Variants in CSMD1 observed in about 807,000 individuals in gnomAD.
CSMD1 encodes the protein CUB and sushi domain-containing protein 1.
In CSMD1, 213 loss-of-function variants were observed where a neutral mutation model predicts 417.5. The observed-to-expected ratio is 0.51, with a 90% CI of 0.46 to 0.57. The LOEUF is 0.57. CSMD1 is among the 20% of genes least tolerant of loss of function. The pLI is 0.00. For missense variants in CSMD1, 6,923 were observed against 4,529.7 expected (o/e 1.53, Z -15.17); for synonymous variants, 2,862 against 1,736.8 (o/e 1.65, Z -16.11).
intron 3 of CSMD1, among the ~76,000 whole-genome samples, chr8:4,178,427 A>G (rs1798176503): frequency 6.6e-6 from 1 of 151,308 alleles, no homozygotes; most frequent in Non-Finnish European, 1.5e-5. Context: ...GATGGGACGT[A>G]TCTCAAAATA....
At chr8:3,947,332 A>G (rs1476551206) in intron 5 of CSMD1, among the ~76,000 whole-genome samples, 1 of 152,206 alleles carries the variant, frequency 6.6e-6, no homozygotes, top group Non-Finnish European at 1.5e-5. Context: ...ATGAATTACA[A>G]TGATTTTCAA....
intron 5 of CSMD1, among the ~76,000 whole-genome samples, chr8:3,780,915 G>C (rs56261016): frequency 6.6e-6 from 1 of 152,182 alleles, no homozygotes. Context: ...GAGAATTTAG[G>C]TAAGACCATG....
intron 2 of CSMD1, among the ~76,000 whole-genome samples, chr8:4,471,453 G>C (rs895928538): frequency 1.3e-5 from 2 of 151,994 alleles, no homozygotes; most frequent in Non-Finnish European, 2.9e-5. Flanking sequence ...CAAGCCTCTC[G>C]ACAAAATCAT....
intron 3 of CSMD1, among the ~76,000 whole-genome samples, chr8:4,041,922 G>A (rs942869562): frequency 6.6e-6 from 1 of 152,068 alleles, no homozygotes; most frequent in Non-Finnish European, 1.5e-5. Context: ...TAACATTAAT[G>A]AACATGTAGA....
At chr8:4,104,131 T>A (rs1290460332) in intron 3 of CSMD1, among the ~76,000 whole-genome samples, 1 of 152,230 alleles carries the variant, frequency 6.6e-6, no homozygotes, top group Non-Finnish European at 1.5e-5. Flanking sequence ...GAGTGTTGAT[T>A]CAGTCCCTCG....
At chr8:4,405,695 G>C (rs188338658) in intron 3 of CSMD1, among the ~76,000 whole-genome samples, 2 of 152,296 alleles carry the variant, frequency 1.3e-5, no homozygotes, top group East Asian at 3.9e-4. Flanking sequence ...CCATAAAACA[G>C]GATGTGTCTA....
At chr8:4,875,852 T>C (rs1452728358) in intron 1 of CSMD1, among the ~76,000 whole-genome samples, 1 of 151,798 alleles carries the variant, frequency 6.6e-6, no homozygotes, top group African/African-American at 2.4e-5. Context: ...CAAACACTAG[T>C]ATAATCTGAA....
At chr8:4,029,667 A>C (rs915096451) in intron 4 of CSMD1, among the ~76,000 whole-genome samples, 3 of 152,022 alleles carry the variant, frequency 2.0e-5, no homozygotes, top group Non-Finnish European at 4.4e-5. Flanking sequence ...GACCCACCCA[A>C]ATCTCATGTC....
intron 3 of CSMD1, among the ~76,000 whole-genome samples, chr8:4,057,235 T>G (rs1798742628): frequency 6.6e-6 from 1 of 152,198 alleles, no homozygotes; most frequent in Non-Finnish European, 1.5e-5. Flanking sequence ...CTAACTGGTG[T>G]GAGATGGTAT....
chr8:4,049,647 A>G (rs1798320579), intron 3 of CSMD1, among the ~76,000 whole-genome samples: 1 of 152,106 alleles, frequency 6.6e-6, no homozygotes, highest in African/African-American at 2.4e-5. Context: ...ATAACATTAT[A>G]TTTACTAATC....
At chr8:3,941,272 T>A (rs1004344995) in intron 5 of CSMD1, among the ~76,000 whole-genome samples, 21 of 152,184 alleles carry the variant, frequency 1.4e-4, no homozygotes, top group African/African-American at 4.6e-4. Flanking sequence ...CTTGCTGAAT[T>A]ACAAATTCCC....
At chr8:4,177,719 T>G (rs1437863425) in intron 3 of CSMD1, among the ~76,000 whole-genome samples, 2 of 148,382 alleles carry the variant, frequency 1.3e-5, no homozygotes, top group Non-Finnish European at 3.0e-5. Flanking sequence ...AAGAATCAAA[T>G]AGATGCAATA....
rs201211832 is a variant in CSMD1 at position 3,616,855 on chromosome 8, TA to T, written c.1010-59del. On this transcript the variant is annotated intron_variant, in intron 7 of 69. Transcript: ENST00000635120. Reference sequence around the variant, plus strand: ...TATAGTTATTGAGGAAATACCCAGATAAAAAATTTATTCTAGGCATTTTCAG... The same window carrying T: ...TATAGTTATTGAGGAAATACCCAGATAAAAATTTATTCTAGGCATTTTCAG... The T allele has an allele frequency of 4.3e-3, 5,259 of 1,234,284 alleles. 174 individuals carry two copies. The African/African-American group carries it at 0.069, about 16-fold the overall frequency. The allele number at this position is 1,234,284 out of a possible 1,614,324, so 76.5% of individuals were successfully genotyped here.
intron 1 of CSMD1, among the ~76,000 whole-genome samples, chr8:4,990,604 C>T (rs1306937229): frequency 6.6e-6 from 1 of 152,110 alleles, no homozygotes; most frequent in South Asian, 2.1e-4. Flanking sequence ...GATGATCCAC[C>T]CACCTCAGCC....
At chr8:3,274,344 C>A (rs561163339) in intron 26 of CSMD1, among the ~76,000 whole-genome samples, 14 of 152,112 alleles carry the variant, frequency 9.2e-5, no homozygotes, top group Admixed American at 5.2e-4. Context: ...TGCTTTACTT[C>A]CAACTATGTG....
chr8:4,687,356 G>A (rs774740126), intron 1 of CSMD1, among the ~76,000 whole-genome samples: 2 of 152,150 alleles, frequency 1.3e-5, no homozygotes, highest in Admixed American at 6.5e-5. Flanking sequence ...CAGGACTAAA[G>A]TACATTAAGT....
At chr8:4,221,107 C>G (rs994431496) in intron 3 of CSMD1, among the ~76,000 whole-genome samples, 1 of 152,126 alleles carries the variant, frequency 6.6e-6, no homozygotes, top group African/African-American at 2.4e-5. Context: ...GAGAGGAATA[C>G]AACGGACAAG....
chr8:4,582,859 G>C lies in CSMD1; in HGVS notation c.302+54483C>G, dbSNP rs190384670. Among the ~76,000 whole-genome samples, 305 of 152,340 alleles carry C rather than the reference G, an allele frequency of 2.0e-3. 2 individuals are homozygous for C. Among genetic ancestry groups the C allele is most frequent in the African/African-American group, 7.2e-3 (298 of 41,584 alleles). ...GCGCGAGTGGGAACCAGGGCTGTGC[G>C]AGGCACTTGCGGGCCAGCTGGAGTT... is the stretch of plus-strand genomic sequence containing the variant. On this transcript the variant is annotated intron_variant, in intron 2 of 69. Transcript: ENST00000635120.
At chr8:3,448,058 G>C (rs1279372898) in intron 12 of CSMD1, among the ~76,000 whole-genome samples, 1 of 151,740 alleles carries the variant, frequency 6.6e-6, no homozygotes, top group Non-Finnish European at 1.5e-5. Context: ...GTCATACACA[G>C]GATTTCTAAT....
Sources: allele counts gnomAD v4.1 joint callset (sites outside exome capture counted in the v4.1 genomes callset), GRCh38; gene constraint gnomAD v4.1.1; transcripts MANE v1.5; gene names NCBI Gene and HGNC (gene_info 2026-07-23, HGNC 2026-07-21).